Variants in CACNB2 observed in about 807,000 individuals in gnomAD.
CACNB2 encodes the protein calcium voltage-gated channel auxiliary subunit beta 2.
CACNB2 carries 42 observed loss-of-function variants against 73.3 expected under a neutral mutation model. The observed-to-expected ratio is 0.57, with a 90% CI of 0.45 to 0.74. CACNB2 has a LOEUF of 0.74. CACNB2 is among the 30% of genes least tolerant of loss of function. The pLI is 0.00. For missense variants in CACNB2, 940 were observed against 853.0 expected (o/e 1.10, Z -1.27); for synonymous variants, 348 against 310.3 (o/e 1.12, Z -1.28).
chr10:18,492,713 T>C (rs1326816741), intron 3 of CACNB2, among the ~76,000 whole-genome samples: 1 of 151,624 alleles, frequency 6.6e-6, no homozygotes, highest in Non-Finnish European at 1.5e-5. Context: ...CCAGAGAATA[T>C]GAAAGAATCT....
chr10:18,278,209 G>C (rs530266165), intron 2 of CACNB2, among the ~76,000 whole-genome samples: 3 of 152,194 alleles, frequency 2.0e-5, no homozygotes, highest in Non-Finnish European at 2.9e-5. Flanking sequence ...GCTGGGCACA[G>C]TGTCCCACAC....
chr10:18,284,487 A>C (rs752688842), intron 2 of CACNB2, among the ~76,000 whole-genome samples: 1 of 152,192 alleles, frequency 6.6e-6, no homozygotes, highest in Non-Finnish European at 1.5e-5. Flanking sequence ...GATTGATAGG[A>C]TATACCTGGT....
chr10:18,266,328 A>T (rs1187475251), intron 2 of CACNB2, among the ~76,000 whole-genome samples: 1 of 152,156 alleles, frequency 6.6e-6, no homozygotes, highest in Admixed American at 6.5e-5. Flanking sequence ...CTCTTATTCC[A>T]TGTATAGTGC....
chr10:18,150,968 T>A lies in CACNB2; in HGVS notation c.206T>A (p.Val69Asp). ...TSSDTTSNSF[V>D]RQGSADSYTS... ...TCTGATACTACCTCAAATAGTTTTGTTCGCCAGGTAAGAGTTTTAAGTTCA... is the reference window on the plus strand; with the variant it reads ...TCTGATACTACCTCAAATAGTTTTGATCGCCAGGTAAGAGTTTTAAGTTCA... Residue 69 changes from valine (V) to aspartate (D), a missense_variant, in exon 2 of 14, where the codon GTT becomes GAT. Transcript: ENST00000324631. 1 of 1,592,670 alleles carries A rather than the reference T, an allele frequency of 6.3e-7. No individual in the cohort carries two copies. Among genetic ancestry groups the A allele is most frequent in the Non-Finnish European group, 8.6e-7 (1 of 1,164,506 alleles).
intron 2 of CACNB2, among the ~76,000 whole-genome samples, chr10:18,248,428 A>G (rs550437624): frequency 6.6e-6 from 1 of 152,228 alleles, no homozygotes; most frequent in Non-Finnish European, 1.5e-5. Context: ...GTCATAAATC[A>G]TATGAATCTC....
At chr10:18,412,184 A>G (rs528383349) in intron 3 of CACNB2, among the ~76,000 whole-genome samples, 1 of 152,156 alleles carries the variant, frequency 6.6e-6, no homozygotes, top group African/African-American at 2.4e-5. Context: ...TGATAATCAT[A>G]TCTCTACTTA....
chr10:18,223,303 A>C (rs1285544561), intron 2 of CACNB2, among the ~76,000 whole-genome samples: 1 of 152,090 alleles, frequency 6.6e-6, no homozygotes. Flanking sequence ...AATAATTACA[A>C]CTCCACAGCA....
chr10:18,289,284 G>GTTTTTTTTTTTTTTTTTTTTTT lies in CACNB2; in HGVS notation c.214-112633_214-112632insTTTTTTTTTTTTTTTTTTTTTT, dbSNP rs1489491866. Among the ~76,000 whole-genome samples the GTTTTTTTTTTTTTTTTTTTTTT allele has an allele frequency of 1.3e-4, 11 of 85,566 alleles. 2 individuals are homozygous for GTTTTTTTTTTTTTTTTTTTTTT. The highest frequency in any genetic ancestry group is 1.3e-4 in the Non-Finnish European group (6 of 44,986). The allele number at this position is 85,566 out of a possible 152,430, so 56.1% of individuals were successfully genotyped here. A position where few individuals can be genotyped will look rare whatever the true frequency, so the allele number is the denominator to read the frequency against. On this transcript the variant is annotated intron_variant, in intron 2 of 13. Coordinates refer to ENST00000324631, the MANE Select transcript of CACNB2 (RefSeq NM_201596.3). ...GAAGTTGTCTTCATTTTTTTTTCTT[G>GTTTTTTTTTTTTTTTTTTTTTT]TTTTTTTGTTTTGTTTTTTTTTTTT...
intron 3 of CACNB2, among the ~76,000 whole-genome samples, chr10:18,467,903 A>T (rs1210770361): frequency 6.6e-6 from 1 of 152,154 alleles, no homozygotes; most frequent in African/African-American, 2.4e-5. Context: ...CTGTTTTGTT[A>T]TGTTCATCTT....
At chr10:18,435,219 A>G (rs550143048) in intron 3 of CACNB2, among the ~76,000 whole-genome samples, 1 of 152,302 alleles carries the variant, frequency 6.6e-6, no homozygotes, top group East Asian at 1.9e-4. Flanking sequence ...TGAAAATATC[A>G]TCCGTAGGAA....
chr10:18,319,018 C>T (rs1051099614), intron 2 of CACNB2, among the ~76,000 whole-genome samples: 2 of 152,244 alleles, frequency 1.3e-5, no homozygotes, highest in South Asian at 4.2e-4. Context: ...ATTAGTTCAA[C>T]CATTGTGGAA....
chr10:18,434,998 C>T (rs186764356), intron 3 of CACNB2, among the ~76,000 whole-genome samples: 6 of 152,276 alleles, frequency 3.9e-5, no homozygotes, highest in Admixed American at 3.9e-4. Flanking sequence ...CTAGGGGTTC[C>T]TGAGCCACAC....
At chr10:18,153,825 G>A (rs563453069) in intron 2 of CACNB2, among the ~76,000 whole-genome samples, 36 of 147,876 alleles carry the variant, frequency 2.4e-4, no homozygotes, top group East Asian at 2.0e-3. Context: ...CAGGTGATCC[G>A]CCCACCTTGG....
intron 2 of CACNB2, chr10:18,400,597 G>T: frequency 9.6e-7 from 1 of 1,041,100 alleles, no homozygotes; most frequent in Non-Finnish European, 1.2e-6. Flanking sequence ...GATAAGGCTT[G>T]AACTTTGCAC....
rs147193656 is a variant in CACNB2 at position 18,506,878 on chromosome 10, C to T, written c.670+331C>T. Among the ~76,000 whole-genome samples the T allele has an allele frequency of 4.1e-3, 623 of 152,290 alleles. 2 individuals carry two copies. The highest frequency in any genetic ancestry group is 0.014 in the African/African-American group (586 of 41,558). On this transcript the variant is annotated intron_variant, in intron 6 of 13. Transcript: ENST00000324631. ...GCAGTGGCATGATCGCAGCTCACTG[C>T]GCCTCTGCCTCCAGGGCTCAAGTGA... is the stretch of plus-strand genomic sequence containing the variant.
intron 2 of CACNB2, among the ~76,000 whole-genome samples, chr10:18,228,772 T>C (rs895201263): frequency 6.6e-6 from 1 of 152,012 alleles, no homozygotes; most frequent in Non-Finnish European, 1.5e-5. Flanking sequence ...AGAGTTTCAC[T>C]CTTGTCACCC....
chr10:18,514,863 A>C (rs1488031984), intron 7 of CACNB2: 3 of 762,026 alleles, frequency 3.9e-6, no homozygotes, highest in Non-Finnish European at 6.9e-6. Context: ...ACTTATGATC[A>C]AACATATTAA....
chr10:18,285,603 C>A (rs770560373), intron 2 of CACNB2, among the ~76,000 whole-genome samples: 8 of 152,236 alleles, frequency 5.3e-5, no homozygotes, highest in Non-Finnish European at 1.2e-4. Flanking sequence ...AATGAATACA[C>A]AGAACCATAA....
At chr10:18,380,388 A>G (rs2042964490) in intron 2 of CACNB2, among the ~76,000 whole-genome samples, 1 of 152,060 alleles carries the variant, frequency 6.6e-6, no homozygotes, top group South Asian at 2.1e-4. Context: ...AACTATTTTA[A>G]GAATAAATTC....
Sources: allele counts gnomAD v4.1 joint callset (sites outside exome capture counted in the v4.1 genomes callset), GRCh38; gene constraint gnomAD v4.1.1; transcripts MANE v1.5; gene names NCBI Gene and HGNC (gene_info 2026-07-23, HGNC 2026-07-21).